The following ERFE variants were observed in gnomAD, a reference collection of about 807,000 sequenced individuals.
The protein encoded by ERFE is erythroferrone.
In ERFE, 25 loss-of-function variants were observed where a neutral mutation model predicts 26.6. The observed-to-expected ratio is 0.94, with a 90% CI of 0.69 to 1.31. The LOEUF (loss-of-function observed/expected upper bound fraction) is 1.31. Among genes scored for constraint, ERFE ranks in the 40% most tolerant of loss-of-function variants. The probability of loss-of-function intolerance (pLI) is 0.00; values close to 1 mark genes in which losing one functional copy is unlikely to be tolerated. For synonymous variants in ERFE, 206 were observed against 204.5 expected (o/e 1.01, Z -0.06); for missense variants, 447 against 440.2 (o/e 1.02, Z -0.14).
At position 238,164,224 on chromosome 2, in the gene ERFE, C is replaced by T. The variant is rs369609352; in HGVS notation, c.796+41C>T. On this transcript the variant is annotated intron_variant, in intron 5 of 7. Transcript: ENST00000546354. Reference sequence around the variant, plus strand: ...TGGGAGGATCGCCCGCTCTGTCGCCCACCCCGCCGCCCGCCCGCTTGACCA... The same window carrying T: ...TGGGAGGATCGCCCGCTCTGTCGCCTACCCCGCCGCCCGCCCGCTTGACCA... The T allele has an allele frequency of 1.6e-4, 224 of 1,434,862 alleles. 2 individuals carry two copies. The East Asian group carries it at 3.0e-3, about 19-fold the overall frequency. 88.9% of individuals were successfully genotyped at this position (1,434,862 alleles called of 1,614,324 possible). A position where few individuals can be genotyped will look rare whatever the true frequency, so the allele number is the denominator to read the frequency against.
In ERFE at chr2:238,168,481, T is replaced by C. The variant is rs753459782; in HGVS notation, c.*1427T>C. The C allele has an allele frequency of 4.0e-5, 19 of 470,528 alleles. No individual in the cohort carries two copies. The highest frequency in any genetic ancestry group is 7.1e-5 in the Admixed American group (3 of 42,490). 29.1% of individuals were successfully genotyped at this position (470,528 alleles called of 1,614,324 possible). On this transcript the variant is annotated 3_prime_UTR_variant, in exon 8 of 8. Transcript: ENST00000546354. Reference sequence around the variant, plus strand: ...TGGCCAGTCACCTTCACCTTCTAACTAACTAGCCTCCGGATGAGGTGGCTG... The same window carrying C: ...TGGCCAGTCACCTTCACCTTCTAACCAACTAGCCTCCGGATGAGGTGGCTG...
chr2:238,160,355 G>A (rs547866536), intron 1 of ERFE, among the ~76,000 whole-genome samples: 51 of 152,272 alleles, frequency 3.3e-4, no homozygotes, highest in African/African-American at 5.8e-4. Flanking sequence ...GTCAGGGTCC[G>A]GCCACAGGCC....
chr2:238,161,855 C>T (rs1235815769), intron 2 of ERFE, 139 bp downstream of exon 2: 6 of 1,235,538 alleles, frequency 4.9e-6, no homozygotes, highest in African/African-American at 1.5e-5. Context: ...ACAGAGAGAA[C>T]CCAGGCAGCC....
intron 7 of ERFE, 59 bp from the exon 8 acceptor site, chr2:238,166,897 T>C: frequency 1.4e-6 from 2 of 1,429,040 alleles, no homozygotes; most frequent in Middle Eastern, 1.8e-4. Flanking sequence ...GGCTGGCCCT[T>C]GGGTCACCTC....
chr2:238,163,378 T>C (rs1692969292), intron 3 of ERFE, among the ~76,000 whole-genome samples: 1 of 152,204 alleles, frequency 6.6e-6, no homozygotes, highest in African/African-American at 2.4e-5. Context: ...CAATGTCCTG[T>C]TCGTTTAAAT....
At chr2:238,159,573 C>G (rs1180055674) in intron 1 of ERFE, among the ~76,000 whole-genome samples, 1 of 152,224 alleles carries the variant, frequency 6.6e-6, no homozygotes, top group African/African-American at 2.4e-5. Context: ...GCCACCGCCC[C>G]CAATCTATTT....
At position 238,163,876 on chromosome 2, in the gene ERFE, G is replaced by T; in HGVS notation, c.564G>T (p.Leu188=). ...DDDVVGDVLA[L]LAAPLAPGPR... is the part of the protein sequence containing the mutation. ...ACGTGGTGGGGGACGTGCTGGCACTGCTGGCCGCGCCCCTGGCCCCGGGGC... is the reference window on the plus strand; with the variant it reads ...ACGTGGTGGGGGACGTGCTGGCACTTCTGGCCGCGCCCCTGGCCCCGGGGC... The change falls in exon 4 of 8, where the codon CTG becomes CTT. Residue 188 remains leucine (L), a synonymous_variant. Coordinates refer to ENST00000546354, the MANE Select transcript of ERFE (RefSeq NM_001291832.2). 1 of 1,315,406 alleles carries T rather than the reference G, an allele frequency of 7.6e-7. No homozygotes were observed. 81.5% of individuals were successfully genotyped at this position (1,315,406 alleles called of 1,614,324 possible).
intron 3 of ERFE, 102 bp from the exon 4 acceptor site, chr2:238,163,635 G>C (rs544781691): frequency 1.7e-6 from 2 of 1,207,228 alleles, no homozygotes; most frequent in East Asian, 3.4e-5. Context: ...CCCTGCGCCC[G>C]GCAGGCCCCT....
intron 3 of ERFE, chr2:238,163,503 A>G: frequency 2.4e-6 from 1 of 418,280 alleles, no homozygotes; most frequent in East Asian, 3.9e-5. Context: ...GCTGGAGGCC[A>G]AGGGCGCTGG....
chr2:238,168,341 G>A lies in ERFE; in HGVS notation c.*1287G>A, dbSNP rs747507291. 9 of 467,856 alleles carry A rather than the reference G, an allele frequency of 1.9e-5. No homozygotes were observed. The highest frequency in any genetic ancestry group is 1.4e-4 in the South Asian group (9 of 64,190). 29.0% of individuals were successfully genotyped at this position (467,856 alleles called of 1,614,324 possible). ...CCAGGGCCTCCTACCTGCTGAGGAA[G>A]AGTTAACCCACTGCCTCCCCACACA... On this transcript the variant is annotated 3_prime_UTR_variant, in exon 8 of 8. Transcript: ENST00000546354.
rs1188569565 is a variant in ERFE, at chr2:238,163,843, C to T, written c.531C>T (p.Asp177=). The change falls in exon 4 of 8, where the codon GAC becomes GAT. Residue 177 remains aspartate (D), a synonymous_variant. Coordinates refer to ENST00000546354, the MANE Select transcript of ERFE (RefSeq NM_001291832.2). ...CGGTCTCGGCCACCGCCGGGGAGGA[C>T]GACGACGACGTGGTGGGGGACGTGC... The part of the protein sequence containing the change: ...LAPVSATAGE[D]DDDVVGDVLA... 1 of 1,317,956 alleles carries T rather than the reference C, an allele frequency of 7.6e-7. No individual in the cohort carries two copies. The highest frequency in any genetic ancestry group is 3.2e-5 in the East Asian group (1 of 31,704). 81.6% of individuals were successfully genotyped at this position (1,317,956 alleles called of 1,614,324 possible). A position where few individuals can be genotyped will look rare whatever the true frequency, so the allele number is the denominator to read the frequency against.
At position 238,164,345 on chromosome 2, in the gene ERFE, G is replaced by C. The variant is rs1052634503; in HGVS notation, c.872G>C (p.Arg291Pro). ...HLRLLICIQS[R>P]CQRNASLEAI... ...CGCCTGCTCATCTGCATCCAGTCCC[G>C]GTGCCAGCGCAACGCGTGAGTGTAC... The change falls in exon 6 of 8, where the codon CGG becomes CCG. Residue 291 changes from arginine (R) to proline (P), a missense_variant. Coordinates refer to ENST00000546354, the MANE Select transcript of ERFE (RefSeq NM_001291832.2). 3 of 1,541,198 alleles carry C rather than the reference G, an allele frequency of 1.9e-6. No individual in the cohort carries two copies. Among genetic ancestry groups the C allele is most frequent in the African/African-American group, 2.8e-5 (2 of 72,414 alleles).
rs150068832 is a variant in ERFE at position 238,168,695 on chromosome 2, G to A, written c.*1641G>A. On this transcript the variant is annotated 3_prime_UTR_variant, in exon 8 of 8. Coordinates refer to ENST00000546354, the MANE Select transcript of ERFE (RefSeq NM_001291832.2). ...CTGGGCTGGCCTGGGTACTGCATCC[G>A]TGTGTTTTGATAAGGGGGTGATGTG... 1.8e-3 allele frequency: 577 copies of A among 312,590 alleles called. 2 individuals carry two copies. Among genetic ancestry groups the A allele is most frequent in the Middle Eastern group, 0.015 (34 of 2,310 alleles). 19.4% of individuals were successfully genotyped at this position (312,590 alleles called of 1,614,324 possible). A position where few individuals can be genotyped will look rare whatever the true frequency, so the allele number is the denominator to read the frequency against.
chr2:238,163,126 C>G (rs1331419777), intron 3 of ERFE, among the ~76,000 whole-genome samples: 4 of 152,204 alleles, frequency 2.6e-5, no homozygotes, highest in Non-Finnish European at 5.9e-5. Context: ...GGCGGGTGCT[C>G]AGGGACCAGC....
chr2:238,162,174 C>G (rs1692948430), intron 2 of ERFE, among the ~76,000 whole-genome samples: 1 of 152,238 alleles, frequency 6.6e-6, no homozygotes, highest in Non-Finnish European at 1.5e-5. Context: ...GTGTGGGCTT[C>G]TCTGTCCCCT....
At position 238,167,623 on chromosome 2, in the gene ERFE, T is replaced by A. The variant is rs1387879504; in HGVS notation, c.*569T>A. 1.1e-5 allele frequency: 4 copies of A among 362,756 alleles called. No homozygotes were observed. The highest frequency in any genetic ancestry group is 6.4e-5 in the African/African-American group (3 of 47,016). The allele number at this position is 362,756 out of a possible 1,614,324, so 22.5% of individuals were successfully genotyped here. A position where few individuals can be genotyped will look rare whatever the true frequency, so the allele number is the denominator to read the frequency against. ...TTCCCTGCCCCTCCCCTAACCGTGTTCTACCTGCCAGTGGAGCTGAGCACT... is the reference window on the plus strand; with the variant it reads ...TTCCCTGCCCCTCCCCTAACCGTGTACTACCTGCCAGTGGAGCTGAGCACT... On this transcript the variant is annotated 3_prime_UTR_variant, in exon 8 of 8. Transcript: ENST00000546354.
chr2:238,160,979 T>C (rs1456317126), intron 1 of ERFE, among the ~76,000 whole-genome samples: 2 of 152,172 alleles, frequency 1.3e-5, no homozygotes, highest in African/African-American at 2.4e-5. Context: ...TGTCCATGTG[T>C]CAGTGTCTCA....
At chr2:238,162,861 A>G in intron 3 of ERFE, 23 bp downstream of exon 3, 1 of 1,515,718 alleles carries the variant, frequency 6.6e-7, no homozygotes, top group Non-Finnish European at 9.0e-7. Flanking sequence ...ACCGGCTGGG[A>G]CACACACACC....
Position 238,163,773 on chromosome 2 carries a change from C to T in ERFE, c.461C>T (p.Pro154Leu), listed in dbSNP as rs1190086895. ...VRQRERAEPE[P>L]CTCGPAGPVA... ...CAGCGGGAGCGCGCGGAGCCCGAAC[C>T]CTGTACGTGTGGCCCCGCCGGGCCG... Residue 154 changes from proline to leucine, a missense_variant, in exon 4 of 8, where the codon CCC becomes CTC. Pro to Leu is a moderately conservative substitution (Grantham distance 98). Transcript: ENST00000546354. 2 of 1,362,484 alleles carry T rather than the reference C, an allele frequency of 1.5e-6. No individual in the cohort carries two copies. Among genetic ancestry groups the T allele is most frequent in the Admixed American group, 3.5e-5 (1 of 28,712 alleles). The allele number at this position is 1,362,484 out of a possible 1,614,324, so 84.4% of individuals were successfully genotyped here.
Sources: allele counts gnomAD v4.1 joint callset (sites outside exome capture counted in the v4.1 genomes callset), GRCh38; gene constraint gnomAD v4.1.1; transcripts MANE v1.5; gene names NCBI Gene and HGNC (gene_info 2026-07-23, HGNC 2026-07-21).